The following STXBP3 variants were observed in gnomAD, a reference collection of about 807,000 sequenced individuals.
STXBP3 encodes the protein syntaxin-binding protein 3.
Under a neutral mutation model 85.7 loss-of-function variants are expected in STXBP3, and 41 were observed. The ratio of observed to expected loss-of-function variants is 0.48; its 90% CI spans 0.37 to 0.62. The LOEUF is 0.62. Ranked by LOEUF, STXBP3 falls within the 20% of genes least tolerant of loss-of-function variation. The probability of loss-of-function intolerance (pLI) is 0.00; values close to 1 mark genes in which losing one functional copy is unlikely to be tolerated. For missense variants in STXBP3, 563 were observed against 703.1 expected (o/e 0.80, Z 2.25); for synonymous variants, 229 against 231.7 (o/e 0.99, Z 0.10).
intron 3 of STXBP3, among the ~76,000 whole-genome samples, chr1:108,754,390 A>G (rs983253977): frequency 2.0e-5 from 3 of 152,136 alleles, no homozygotes; most frequent in African/African-American, 7.2e-5. Context: ...TCTGACCCTC[A>G]ATGTAAAAAG....
chr1:108,753,652 G>GA (rs1168114034), intron 3 of STXBP3, among the ~76,000 whole-genome samples: 1 of 151,570 alleles, frequency 6.6e-6, no homozygotes, highest in East Asian at 1.9e-4. Flanking sequence ...TACAGATTCT[G>GA]AAAAAAAATC....
At chr1:108,747,617 A>G (rs544186849) in intron 1 of STXBP3, among the ~76,000 whole-genome samples, 7 of 152,332 alleles carry the variant, frequency 4.6e-5, no homozygotes, top group African/African-American at 1.7e-4. Flanking sequence ...CAAGATAATT[A>G]TGGCCTAGTA....
In STXBP3 at chr1:108,746,723, C is replaced by G; in HGVS notation, c.-15C>G. On this transcript the variant is annotated 5_prime_UTR_variant, in exon 1 of 19. Transcript: ENST00000370008. Reference sequence around the variant, plus strand: ...GAGTGGAAGGTGGTGGCTGCTGCTCCGCAGTGTCGGGAAGATGGCGCCGCC... The same window carrying G: ...GAGTGGAAGGTGGTGGCTGCTGCTCGGCAGTGTCGGGAAGATGGCGCCGCC... 6.5e-7 allele frequency: 1 copy of G among 1,548,916 alleles called. No individual in the cohort carries two copies. The highest frequency in any genetic ancestry group is 8.7e-7 in the Non-Finnish European group (1 of 1,145,812).
At chr1:108,799,952 C>T (rs1663198796) in intron 16 of STXBP3, among the ~76,000 whole-genome samples, 1 of 152,104 alleles carries the variant, frequency 6.6e-6, no homozygotes, top group South Asian at 2.1e-4. Context: ...ACTAAAGGCT[C>T]TGATAAGGTG....
intron 11 of STXBP3, among the ~76,000 whole-genome samples, chr1:108,784,175 C>A (rs1387361830): frequency 2.6e-5 from 4 of 152,152 alleles, no homozygotes; most frequent in Non-Finnish European, 4.4e-5. Flanking sequence ...TTAATATATT[C>A]TTCTGTTTTC....
chr1:108,754,251 G>T (rs1031748648), intron 3 of STXBP3, among the ~76,000 whole-genome samples: 7 of 152,112 alleles, frequency 4.6e-5, no homozygotes, highest in South Asian at 2.1e-4. Context: ...GCCCAGGATG[G>T]TCTCAAACTC....
chr1:108,776,686 T>C (rs1002435892), intron 8 of STXBP3, among the ~76,000 whole-genome samples: 2 of 152,166 alleles, frequency 1.3e-5, no homozygotes, highest in African/African-American at 4.8e-5. Flanking sequence ...ATAGTTAATG[T>C]CTATTTGGGC....
intron 8 of STXBP3, among the ~76,000 whole-genome samples, chr1:108,777,441 A>G (rs1450607627): frequency 1.3e-5 from 2 of 152,124 alleles, no homozygotes; most frequent in Non-Finnish European, 2.9e-5. Flanking sequence ...CTGGAATGGA[A>G]GATATAAACT....
rs1662262896 is a variant in STXBP3, at chr1:108,766,305, T to C, written c.438+6220T>C. Among the ~76,000 whole-genome samples, 3 of 152,152 alleles carry C rather than the reference T, an allele frequency of 2.0e-5. No individual in the cohort carries two copies. The South Asian group carries it at 6.2e-4, about 32-fold the overall frequency. On this transcript the variant is annotated intron_variant, in intron 6 of 18. Transcript: ENST00000370008. ...ATATCTAAAGTAGGCAAAAATATGGTTTATGTTTTAAAAAGAAAATATGTA... is the reference window on the plus strand; with the variant it reads ...ATATCTAAAGTAGGCAAAAATATGGCTTATGTTTTAAAAAGAAAATATGTA...
At chr1:108,805,171 T>C (rs1446460668) in intron 17 of STXBP3, among the ~76,000 whole-genome samples, 1 of 152,216 alleles carries the variant, frequency 6.6e-6, no homozygotes, top group Non-Finnish European at 1.5e-5. Flanking sequence ...ATTGTTAGAA[T>C]TGTTTTGAGC....
chr1:108,776,274 A>G lies in STXBP3; in HGVS notation c.594-59A>G, dbSNP rs1662590681. ...TTTAATTTTAGAATTAAACTTCATG[A>G]TATTATAAAGTATACACTGAAAGAA... On this transcript the variant is annotated intron_variant, in intron 7 of 18. Coordinates refer to ENST00000370008, the MANE Select transcript of STXBP3 (RefSeq NM_007269.4). 5 of 1,093,486 alleles carry G rather than the reference A, an allele frequency of 4.6e-6. No homozygotes were observed. In the East Asian group the frequency reaches 1.3e-4, roughly 29 times the overall value. 67.7% of individuals were successfully genotyped at this position (1,093,486 alleles called of 1,614,324 possible).
chr1:108,776,380 A>C lies in STXBP3; in HGVS notation c.641A>C (p.Lys214Thr). ...AAGCTTGCACAGCTTGTTGAAAAAA[A>C]GCTTGAAGACTACTACAAGATTGAT... ...ASKLAQLVEK[K>T]LEDYYKIDEK... Residue 214 changes from lysine to threonine, a missense_variant, in exon 8 of 19, where the codon AAG becomes ACG. Lys to Thr is a moderately conservative substitution (Grantham distance 78). Transcript: ENST00000370008. The C allele has an allele frequency of 6.2e-7, 1 of 1,609,242 alleles. No homozygotes were observed. Among genetic ancestry groups the C allele is most frequent in the Non-Finnish European group, 8.5e-7 (1 of 1,177,510 alleles).
chr1:108,772,835 T>C lies in STXBP3; in HGVS notation c.593+16T>C, dbSNP rs750207335. On this transcript the variant is annotated intron_variant, in intron 7 of 18. Coordinates refer to ENST00000370008, the MANE Select transcript of STXBP3 (RefSeq NM_007269.4). ...GATATAAAAGGTAAGACACTGAGCA[T>C]CTGCACATGTTATGCTTCCTATTTA... 2.6e-6 allele frequency: 4 copies of C among 1,567,020 alleles called. No homozygotes were observed. Among genetic ancestry groups the C allele is most frequent in the East Asian group, 4.8e-5 (2 of 41,664 alleles).
chr1:108,754,181 C>G (rs1661970435), intron 3 of STXBP3, among the ~76,000 whole-genome samples: 1 of 151,896 alleles, frequency 6.6e-6, no homozygotes, highest in Non-Finnish European at 1.5e-5. Context: ...TACAGGCACA[C>G]ACTAGCACAC....
intron 6 of STXBP3, among the ~76,000 whole-genome samples, chr1:108,770,717 T>G (rs1662373128): frequency 6.6e-6 from 1 of 152,208 alleles, no homozygotes; most frequent in Non-Finnish European, 1.5e-5. Flanking sequence ...TATCATTGTT[T>G]AGAAAACAAC....
intron 6 of STXBP3, among the ~76,000 whole-genome samples, chr1:108,763,810 G>A (rs950268079): frequency 6.6e-6 from 1 of 151,688 alleles, no homozygotes; most frequent in East Asian, 1.9e-4. Flanking sequence ...TTGAACTCCC[G>A]ACCTCAAGTG....
rs534953447 is a variant in STXBP3 at position 108,752,396 on chromosome 1, A to G, written c.99+90A>G. The G allele has an allele frequency of 3.2e-5, 38 of 1,201,210 alleles. No individual in the cohort carries two copies. In the East Asian group the frequency reaches 9.2e-4, roughly 29 times the overall value. 74.4% of individuals were successfully genotyped at this position (1,201,210 alleles called of 1,614,324 possible). ...AACTACATAGTATTTACATGGTATTAGGTATTCTAGTATAAGTAATCTAAA... is the reference window on the plus strand; with the variant it reads ...AACTACATAGTATTTACATGGTATTGGGTATTCTAGTATAAGTAATCTAAA... On this transcript the variant is annotated intron_variant, in intron 2 of 18. Transcript: ENST00000370008.
chr1:108,780,325 T>C (rs556331235), intron 9 of STXBP3: 1 of 152,194 alleles, frequency 6.6e-6, no homozygotes, highest in East Asian at 1.9e-4. Flanking sequence ...AACATAGCTA[T>C]TTTTCTAATA....
chr1:108,801,269 A>C (rs950336209), intron 17 of STXBP3, among the ~76,000 whole-genome samples: 1 of 151,728 alleles, frequency 6.6e-6, no homozygotes, highest in Non-Finnish European at 1.5e-5. Flanking sequence ...GTTAATTCCT[A>C]CTGAATGTTT....
Sources: allele counts gnomAD v4.1 joint callset (sites outside exome capture counted in the v4.1 genomes callset), GRCh38; gene constraint gnomAD v4.1.1; transcripts MANE v1.5; gene names NCBI Gene and HGNC (gene_info 2026-07-23, HGNC 2026-07-21).